The following PAPPA2 variants were observed in gnomAD, a reference collection of about 807,000 sequenced individuals.
The protein encoded by PAPPA2 is pappalysin-2.
PAPPA2 carries 86 observed loss-of-function variants against 176.4 expected under a neutral mutation model. That is an observed-to-expected ratio of 0.49 (90% confidence interval 0.41 to 0.58). The LOEUF is 0.58. Among genes scored for constraint, PAPPA2 ranks in the 20% least tolerant of loss-of-function variants. The probability of loss-of-function intolerance (pLI) is 0.00; values close to 1 mark genes in which losing one functional copy is unlikely to be tolerated. For synonymous variants in PAPPA2, 809 were observed against 852.2 expected (o/e 0.95, Z 0.88); for missense variants, 2,073 against 2,256.9 (o/e 0.92, Z 1.65).
In PAPPA2 at chr1:176,687,644, A is replaced by G. The variant is rs142637716; in HGVS notation, c.2138-2493A>G. Among the ~76,000 whole-genome samples the G allele has an allele frequency of 3.0e-3, 451 of 152,266 alleles. 4 individuals are homozygous for G. The highest frequency in any genetic ancestry group is 7.9e-3 in the African/African-American group (330 of 41,562). ...TTTTCTTTATCTATAATTGAAGGAG[A>G]TCACAAAAGGACCTGGGCCTGTCTG... On this transcript the variant is annotated intron_variant, in intron 4 of 22. Coordinates refer to ENST00000367662, the MANE Select transcript of PAPPA2 (RefSeq NM_020318.3).
At chr1:176,566,064 G>A (rs1032031956) in intron 2 of PAPPA2, among the ~76,000 whole-genome samples, 2 of 152,204 alleles carry the variant, frequency 1.3e-5, no homozygotes, top group Admixed American at 1.3e-4. Flanking sequence ...TTCTGATGCA[G>A]CAGCACCTTC....
chr1:176,617,656 A>ATATATATATC (rs1388480225), intron 3 of PAPPA2, among the ~76,000 whole-genome samples: 5 of 152,060 alleles, frequency 3.3e-5, no homozygotes, highest in African/African-American at 1.2e-4. Flanking sequence ...GCATATATAT[A>ATATATATATC]TATATATATC....
intron 1 of PAPPA2, among the ~76,000 whole-genome samples, chr1:176,487,296 C>G (rs566483495): frequency 2.0e-5 from 3 of 152,282 alleles, no homozygotes; most frequent in Non-Finnish European, 2.9e-5. Flanking sequence ...CAGGCTCTAC[C>G]TCCAGCAACA....
intron 21 of PAPPA2, among the ~76,000 whole-genome samples, chr1:176,833,399 C>T (rs1023468064): frequency 2.6e-5 from 4 of 152,188 alleles, no homozygotes; most frequent in African/African-American, 9.7e-5. Context: ...AAAGTTCTAA[C>T]AGGATTACAT....
At chr1:176,599,658 A>G (rs1260270904) in intron 3 of PAPPA2, among the ~76,000 whole-genome samples, 2 of 151,812 alleles carry the variant, frequency 1.3e-5, no homozygotes, top group African/African-American at 4.8e-5. Context: ...ATTTTCAAAG[A>G]TAAAAATGTG....
intron 6 of PAPPA2, among the ~76,000 whole-genome samples, chr1:176,693,184 G>A (rs1660202804): frequency 6.6e-6 from 1 of 152,196 alleles, no homozygotes; most frequent in Non-Finnish European, 1.5e-5. Context: ...ACCTACTGCT[G>A]TATTCTGAAT....
rs79168825 is a variant in PAPPA2, at chr1:176,841,489, G to A, written c.5302-891G>A. 8.0e-4 allele frequency among the ~76,000 whole-genome samples: 122 copies of A among 152,026 alleles called. 2 individuals carry two copies. Among genetic ancestry groups the A allele is most frequent in the African/African-American group, 2.9e-3 (121 of 41,458 alleles). On this transcript the variant is annotated intron_variant, in intron 22 of 22. Transcript: ENST00000367662. Reference sequence around the variant, plus strand: ...CCAAGCCCATCTCTTTAGTGTACTTGGACTAGTATTGTGTGTGATATGCCT... The same window carrying A: ...CCAAGCCCATCTCTTTAGTGTACTTAGACTAGTATTGTGTGTGATATGCCT...
At chr1:176,718,171 G>T (rs890599566) in intron 12 of PAPPA2, among the ~76,000 whole-genome samples, 1 of 151,696 alleles carries the variant, frequency 6.6e-6, no homozygotes, top group African/African-American at 2.4e-5. Context: ...TTAATAAGTT[G>T]GGTTTTTCAA....
rs139782963 is a variant in PAPPA2 at position 176,662,522 on chromosome 1, A to T, written c.1992-8448A>T. Reference sequence around the variant, plus strand: ...TGCTCTGAAACAAATACATTTTAAAATTTATCATTCTTTGCACTTTTTCAT... The same window carrying T: ...TGCTCTGAAACAAATACATTTTAAATTTTATCATTCTTTGCACTTTTTCAT... On this transcript the variant is annotated intron_variant, in intron 3 of 22. Transcript: ENST00000367662. 2.1e-3 allele frequency among the ~76,000 whole-genome samples: 321 copies of T among 149,694 alleles called. 3 individuals carry two copies. Among genetic ancestry groups the T allele is most frequent in the African/African-American group, 7.5e-3 (307 of 41,002 alleles).
chr1:176,651,706 T>C (rs1290016558), intron 3 of PAPPA2, among the ~76,000 whole-genome samples: 2 of 151,802 alleles, frequency 1.3e-5, no homozygotes, highest in Middle Eastern at 3.4e-3. Context: ...TTTTCTGTCA[T>C]TATTTTTTTA....
intron 1 of PAPPA2, among the ~76,000 whole-genome samples, chr1:176,466,824 G>C (rs907571602): frequency 4.6e-5 from 7 of 152,280 alleles, no homozygotes; most frequent in African/African-American, 1.7e-4. Context: ...TCCCTGCAAC[G>C]TGGAGGGAGA....
chr1:176,779,298 T>A (rs1207495429), intron 17 of PAPPA2, among the ~76,000 whole-genome samples: 1 of 152,130 alleles, frequency 6.6e-6, no homozygotes, highest in Admixed American at 6.6e-5. Context: ...GCTCACCCTT[T>A]CTTCAAGCCC....
In PAPPA2 at chr1:176,805,616, C is replaced by T. The variant is rs964942982; in HGVS notation, c.5202+5484C>T. On this transcript the variant is annotated intron_variant, in intron 21 of 22. Coordinates refer to ENST00000367662, the MANE Select transcript of PAPPA2 (RefSeq NM_020318.3). ...TTTTATGAATTGTCAAATAATATAA[C>T]GTACTAGCAGTGATACTGCCTAAGG... Among the ~76,000 whole-genome samples, 11 of 152,054 alleles carry T rather than the reference C, an allele frequency of 7.2e-5. No individual in the cohort carries two copies. The East Asian group carries it at 7.7e-4, about 11-fold the overall frequency.
Position 176,706,296 on chromosome 1 carries a change from T to C in PAPPA2, c.3366-63T>C, listed in dbSNP as rs549813710. 9 of 1,404,550 alleles carry C rather than the reference T, an allele frequency of 6.4e-6. No homozygotes were observed. In the South Asian group the frequency reaches 1.1e-4, roughly 17 times the overall value. 87.0% of individuals were successfully genotyped at this position (1,404,550 alleles called of 1,614,324 possible). ...GAGAAATTGTAAGAATTTTAAATGATGGTAGCTAAACAAGAAAATTTGTGT... is the reference window on the plus strand; with the variant it reads ...GAGAAATTGTAAGAATTTTAAATGACGGTAGCTAAACAAGAAAATTTGTGT... On this transcript the variant is annotated intron_variant, in intron 9 of 22. Transcript: ENST00000367662.
intron 1 of PAPPA2, among the ~76,000 whole-genome samples, chr1:176,533,581 C>T (rs1408485480): frequency 6.6e-6 from 1 of 152,124 alleles, no homozygotes; most frequent in African/African-American, 2.4e-5. Flanking sequence ...TGTTTTGTAC[C>T]TCCTCCCTGC....
At chr1:176,763,057 G>A in intron 14 of PAPPA2, among the ~76,000 whole-genome samples, 1 of 152,144 alleles carries the variant, frequency 6.6e-6, no homozygotes, top group East Asian at 1.9e-4. Context: ...TCACCCTTTT[G>A]GGGCTAGTGC....
intron 1 of PAPPA2, among the ~76,000 whole-genome samples, chr1:176,465,003 C>T (rs573130676): frequency 1.4e-4 from 22 of 152,212 alleles, no homozygotes; most frequent in South Asian, 6.2e-4. Context: ...TTCTAATACA[C>T]GTATAATTTT....
chr1:176,513,367 T>A (rs1380483680), intron 1 of PAPPA2, among the ~76,000 whole-genome samples: 1 of 152,138 alleles, frequency 6.6e-6, no homozygotes, highest in Non-Finnish European at 1.5e-5. Context: ...TCATTTTTCT[T>A]TTTTCAACAC....
At chr1:176,681,571 G>C (rs1256002659) in intron 4 of PAPPA2, among the ~76,000 whole-genome samples, 3 of 152,128 alleles carry the variant, frequency 2.0e-5, no homozygotes, top group African/African-American at 7.2e-5. Flanking sequence ...TAATAAGCAT[G>C]AGGAAGAATG....
Sources: allele counts gnomAD v4.1 joint callset (sites outside exome capture counted in the v4.1 genomes callset), GRCh38; gene constraint gnomAD v4.1.1; transcripts MANE v1.5; gene names NCBI Gene and HGNC (gene_info 2026-07-23, HGNC 2026-07-21).